Variants in CDH23 observed in about 807,000 individuals in gnomAD.
CDH23 encodes the protein cadherin-23.
CDH23 carries 189 observed loss-of-function variants against 317.1 expected under a neutral mutation model. The ratio of observed to expected loss-of-function variants is 0.60; its 90% CI spans 0.53 to 0.67. The LOEUF is 0.67. Ranked by LOEUF, CDH23 falls within the 30% of genes least tolerant of loss-of-function variation. CDH23 has a pLI of 0.00. For missense variants in CDH23, 4,401 were observed against 4,592.4 expected (o/e 0.96, Z 1.20); for synonymous variants, 1,839 against 1,876.8 (o/e 0.98, Z 0.52).
intron 3 of CDH23, among the ~76,000 whole-genome samples, chr10:71,463,752 C>A (rs1374599247): frequency 6.6e-6 from 1 of 152,206 alleles, no homozygotes; most frequent in African/African-American, 2.4e-5. Flanking sequence ...TAGAACTTCA[C>A]CTGTTTTGCC....
intron 6 of CDH23, among the ~76,000 whole-genome samples, chr10:71,539,900 G>A (rs1855895276): frequency 1.3e-5 from 2 of 152,078 alleles, no homozygotes; most frequent in South Asian, 4.1e-4. Context: ...AAGACAGGCT[G>A]CATGTGTTTG....
intron 9 of CDH23, among the ~76,000 whole-genome samples, chr10:71,606,614 C>T (rs1860540119): frequency 6.6e-6 from 1 of 152,194 alleles, no homozygotes; most frequent in African/African-American, 2.4e-5. Context: ...CCAGTCCTGC[C>T]CTCCTGGGGC....
At chr10:71,525,669 C>T (rs889674652) in intron 6 of CDH23, among the ~76,000 whole-genome samples, 18 of 152,132 alleles carry the variant, frequency 1.2e-4, no homozygotes, top group Admixed American at 3.3e-4. Flanking sequence ...ATGGCAGGTA[C>T]GGGGTGCTGG....
rs781130835 is a variant in CDH23, at chr10:71,811,740, G to A, written c.9306G>A (p.Val3102=). The change falls in exon 65 of 70, where the codon GTG becomes GTA. Residue 3102 remains valine, a synonymous_variant. Coordinates refer to ENST00000224721, the MANE Select transcript of CDH23 (RefSeq NM_022124.6). ...ACAAGAGGAAGCTCAAGGCCATTGT[G>A]GCTGGCTCAGCTGGTAAGTGAGGGC... ...TVHKRKLKAI[V]AGSAGNRGFI... is the part of the protein sequence containing the mutation. 4 of 1,584,306 alleles carry A rather than the reference G, an allele frequency of 2.5e-6. No individual in the cohort carries two copies. The African/African-American group carries it at 4.0e-5, about 16-fold the overall frequency.
intron 6 of CDH23, among the ~76,000 whole-genome samples, chr10:71,517,153 A>G (rs1443872388): frequency 2.0e-5 from 3 of 152,146 alleles, no homozygotes; most frequent in Admixed American, 6.5e-5. Context: ...CATTTACACA[A>G]AGTACTTTGC....
At chr10:71,400,511 T>A (rs536312041) in intron 1 of CDH23, among the ~76,000 whole-genome samples, 2 of 152,036 alleles carry the variant, frequency 1.3e-5, no homozygotes, top group Admixed American at 1.3e-4. Flanking sequence ...CAAAAATAGT[T>A]AGGTTAGGCT....
chr10:71,430,108 C>T (rs1849299579), intron 1 of CDH23, among the ~76,000 whole-genome samples: 1 of 151,996 alleles, frequency 6.6e-6, no homozygotes, highest in Admixed American at 6.5e-5. Context: ...TGGCAGTGAC[C>T]CCAGTGAGGG....
At chr10:71,716,407 G>A in intron 28 of CDH23, 7 of 1,317,444 alleles carry the variant, frequency 5.3e-6, no homozygotes, top group Non-Finnish European at 6.1e-6. Flanking sequence ...CGGGTATAGG[G>A]AAGACTTACC....
intron 1 of CDH23, among the ~76,000 whole-genome samples, chr10:71,419,959 A>T (rs1223558953): frequency 2.0e-5 from 3 of 152,186 alleles, no homozygotes; most frequent in African/African-American, 7.2e-5. Context: ...CTCACCTGCC[A>T]GGCTGTAGGG....
chr10:71,662,668 C>T (rs1863726595), intron 14 of CDH23, among the ~76,000 whole-genome samples: 1 of 152,216 alleles, frequency 6.6e-6, no homozygotes, highest in South Asian at 2.1e-4. Context: ...AGGCCCTTCC[C>T]CTTTTCCTTT....
At chr10:71,765,408 A>G (rs1840511336) in intron 38 of CDH23, among the ~76,000 whole-genome samples, 2 of 152,192 alleles carry the variant, frequency 1.3e-5, no homozygotes, top group Admixed American at 6.5e-5. Flanking sequence ...CCAAAGCAAG[A>G]TGCGCAAAGC....
chr10:71,738,246 G>A (rs565047011), intron 34 of CDH23, among the ~76,000 whole-genome samples: 1 of 152,170 alleles, frequency 6.6e-6, no homozygotes, highest in South Asian at 2.1e-4. Flanking sequence ...TCCCCACCAG[G>A]CCTCTTCCCT....
chr10:71,752,862 C>T lies in CDH23; in HGVS notation c.4845+10941C>T, dbSNP rs111695855. On this transcript the variant is annotated intron_variant, in intron 38 of 69. Coordinates refer to ENST00000224721, the MANE Select transcript of CDH23 (RefSeq NM_022124.6). ...AGGCTTCAGCAGCAGATGGCAGAGG[C>T]TCTTCTGACCAGCTGCTCTAGGCAG... The T allele has an allele frequency of 9.4e-6, 12 of 1,277,114 alleles. No homozygotes were observed. The African/African-American group carries it at 1.2e-4, about 13-fold the overall frequency. 79.1% of individuals were successfully genotyped at this position (1,277,114 alleles called of 1,614,324 possible). A position where few individuals can be genotyped will look rare whatever the true frequency, so the allele number is the denominator to read the frequency against.
rs555160914 is a variant in CDH23, at chr10:71,622,567, A to G, written c.1134+5174A>G. Among the ~76,000 whole-genome samples, 11 of 152,282 alleles carry G rather than the reference A, an allele frequency of 7.2e-5. No individual in the cohort carries two copies. The South Asian group carries it at 2.3e-3, about 32-fold the overall frequency. Reference sequence around the variant, plus strand: ...GACCATCCACACCTCTGGGTGCCTTACAAATCCCAGCAAGGGGTATTGTTC... The same window carrying G: ...GACCATCCACACCTCTGGGTGCCTTGCAAATCCCAGCAAGGGGTATTGTTC... On this transcript the variant is annotated intron_variant, in intron 11 of 69. Coordinates refer to ENST00000224721, the MANE Select transcript of CDH23 (RefSeq NM_022124.6).
intron 3 of CDH23, among the ~76,000 whole-genome samples, chr10:71,490,263 C>T (rs1852581933): frequency 6.6e-6 from 1 of 152,066 alleles, no homozygotes; most frequent in Non-Finnish European, 1.5e-5. Flanking sequence ...CTGCTATTTT[C>T]AGTTGTTTGC....
chr10:71,437,793 G>A (rs1361924169), intron 1 of CDH23, among the ~76,000 whole-genome samples: 3 of 152,114 alleles, frequency 2.0e-5, no homozygotes, highest in Non-Finnish European at 2.9e-5. Context: ...CGCCACACTG[G>A]GCCCACATTC....
chr10:71,756,197 C>T (rs1840143183), intron 38 of CDH23, among the ~76,000 whole-genome samples: 3 of 152,144 alleles, frequency 2.0e-5, no homozygotes, highest in African/African-American at 7.2e-5. Flanking sequence ...TCCTCCTCCC[C>T]TTGTACCAAG....
At chr10:71,610,787 A>C (rs548478776) in intron 9 of CDH23, among the ~76,000 whole-genome samples, 1 of 147,508 alleles carries the variant, frequency 6.8e-6, no homozygotes, top group African/African-American at 2.5e-5. Flanking sequence ...AAAGGTCTTG[A>C]TTCCTGGAGC....
chr10:71,559,399 C>A (rs559789398), intron 6 of CDH23, among the ~76,000 whole-genome samples: 1 of 152,270 alleles, frequency 6.6e-6, no homozygotes, highest in Admixed American at 6.5e-5. Context: ...GCCTTCTATG[C>A]ACAAGTGACA....
Sources: allele counts gnomAD v4.1 joint callset (sites outside exome capture counted in the v4.1 genomes callset), GRCh38; gene constraint gnomAD v4.1.1; transcripts MANE v1.5; gene names NCBI Gene and HGNC (gene_info 2026-07-23, HGNC 2026-07-21).